The following SP2 variants were observed in gnomAD, a reference collection of about 807,000 sequenced individuals.
SP2 encodes the protein transcription factor Sp2.
A neutral mutation model predicts 50.1 loss-of-function variants in SP2; 9 were observed. The ratio of observed to expected loss-of-function variants is 0.18; its 90% confidence interval spans 0.11 to 0.31. SP2 has a LOEUF of 0.31. Ranked by LOEUF, SP2 falls within the 10% of genes least tolerant of loss-of-function variation. The pLI, the probability that SP2 is intolerant of heterozygous loss-of-function variation, is 1.00. For missense variants in SP2, 581 were observed against 806.5 expected, an observed-to-expected ratio of 0.72 and a Z score of 3.39; for synonymous variants, 313 against 326.6, an observed-to-expected ratio of 0.96 and a Z score of 0.45.
At chr17:47,897,434 T>C (rs2034385885) in intron 1 of SP2, 2 of 152,254 alleles carry the variant, frequency 1.3e-5, no homozygotes, top group South Asian at 2.1e-4. Flanking sequence ...TGTTCACTTA[T>C]TGTTTCCTAG....
Position 47,916,240 on chromosome 17 carries a change from C to T in SP2, c.169C>T (p.Pro57Ser). 1 of 1,614,130 alleles carries T rather than the reference C, an allele frequency of 6.2e-7. No individual in the cohort carries two copies. The highest frequency in any genetic ancestry group is 8.5e-7 in the Non-Finnish European group (1 of 1,180,026). ...AGCAGTTGAAGCTGCTGTGACACCT[C>T]CTGCTCCCCCACAGCCCACACCGCG... ...PPAVEAAVTP[P>S]APPQPTPRKL... The change falls in exon 3 of 7, where the codon CCT (proline) becomes TCT (serine). Residue 57 changes from proline (P) to serine (S), a missense_variant. Physicochemically the swap from Pro to Ser is moderately conservative, Grantham distance 74 (BLOSUM62 -1). This residue lies in a region of SP2 where 397 missense variants were observed against 491.0 expected (regional missense o/e 0.81). Coordinates refer to ENST00000376741, the MANE Select transcript of SP2 (RefSeq NM_003110.6). The surrounding 1 kb of genome is among the most constrained non-coding windows in gnomAD (Gnocchi z 4.7).
Position 47,897,834 on chromosome 17 carries a change from A to G in SP2, c.7+1541A>G, listed in dbSNP as rs2034399690. ...ATGAAGGGGGCGAATCTATCAGACAACCTATCAATTGGGCTGATGATGTCA... is the reference window on the plus strand; with the variant it reads ...ATGAAGGGGGCGAATCTATCAGACAGCCTATCAATTGGGCTGATGATGTCA... On this transcript the variant is annotated intron_variant, in intron 1 of 6. Transcript: ENST00000376741. 4.1e-6 allele frequency: 4 copies of G among 984,840 alleles called. No individual in the cohort carries two copies. In the South Asian group the frequency reaches 1.4e-4, roughly 35 times the overall value. 61.0% of individuals were successfully genotyped at this position (984,840 alleles called of 1,614,324 possible).
intron 1 of SP2, chr17:47,914,913 G>T (rs977278563): frequency 1.3e-5 from 2 of 155,262 alleles, no homozygotes; most frequent in Admixed American, 1.3e-4. Flanking sequence ...GCAACAAATA[G>T]AGGCAAAAAG....
At position 47,923,282 on chromosome 17, in the gene SP2, T is replaced by C. The variant is rs199538515; in HGVS notation, c.1372+8T>C. On this transcript the variant is annotated splice_region_variant and intron_variant, in intron 4 of 6. Transcript: ENST00000376741. ...CCATCACCAACACAGGCGGTGAGGATGGCCCCTGTGGCCAGGGTGTTGGCA... is the reference window on the plus strand; with the variant it reads ...CCATCACCAACACAGGCGGTGAGGACGGCCCCTGTGGCCAGGGTGTTGGCA... 1.0e-4 allele frequency: 164 copies of C among 1,592,430 alleles called. No individual in the cohort carries two copies. The highest frequency in any genetic ancestry group is 9.9e-4 in the Middle Eastern group (6 of 6,040).
intron 6 of SP2, among the ~76,000 whole-genome samples, chr17:47,927,104 AAAG>A (rs1321558469): frequency 3.3e-5 from 5 of 152,224 alleles, no homozygotes; most frequent in African/African-American, 1.2e-4. Context: ...CAGAGGGACA[AAAG>A]AAGAAAGCAG....
chr17:47,898,610 C>T (rs1185846461), intron 1 of SP2: 1 of 152,140 alleles, frequency 6.6e-6, no homozygotes, highest in Non-Finnish European at 1.5e-5. Context: ...TTTTCACACA[C>T]ACCCCCCTTT....
At chr17:47,902,845 T>C (rs1567688030) in intron 1 of SP2, among the ~76,000 whole-genome samples, 1 of 152,198 alleles carries the variant, frequency 6.6e-6, no homozygotes, top group Non-Finnish European at 1.5e-5. Context: ...AACCTCCACC[T>C]CCCGGGTTCA....
intron 3 of SP2, chr17:47,918,655 A>G (rs1424234001): frequency 6.6e-6 from 1 of 152,216 alleles, no homozygotes; most frequent in African/African-American, 2.4e-5. Flanking sequence ...ACATCCCAAC[A>G]TGCTGATTAT....
At chr17:47,906,947 T>G (rs1468465128) in intron 1 of SP2, among the ~76,000 whole-genome samples, 1 of 152,044 alleles carries the variant, frequency 6.6e-6, no homozygotes, top group Non-Finnish European at 1.5e-5. Flanking sequence ...AAAGGACAGA[T>G]GTTGGGGAAC....
chr17:47,925,647 C>T, intron 6 of SP2, 106 bp downstream of exon 6: 1 of 837,404 alleles, frequency 1.2e-6, no homozygotes, highest in African/African-American at 1.7e-5. Context: ...CCTGGAACTG[C>T]CACACTGAGC....
chr17:47,909,360 C>T (rs1049460743), intron 1 of SP2, among the ~76,000 whole-genome samples: 2 of 152,184 alleles, frequency 1.3e-5, no homozygotes, highest in Admixed American at 6.5e-5. Flanking sequence ...CCACATGGCA[C>T]TATTAGGCTC....
At chr17:47,917,330 A>T (rs2035253412) in intron 3 of SP2, among the ~76,000 whole-genome samples, 200 bp downstream of exon 3, 1 of 152,186 alleles carries the variant, frequency 6.6e-6, no homozygotes, top group Non-Finnish European at 1.5e-5. Context: ...TATCTTTAGA[A>T]ATTGATGAAA....
Position 47,896,273 on chromosome 17 carries a change from A to T in SP2, c.-14A>T. 1.6e-6 allele frequency: 2 copies of T among 1,239,444 alleles called. No homozygotes were observed. The highest frequency in any genetic ancestry group is 2.0e-6 in the Non-Finnish European group (2 of 988,504). The allele number at this position is 1,239,444 out of a possible 1,614,324, so 76.8% of individuals were successfully genotyped here. A position where few individuals can be genotyped will look rare whatever the true frequency, so the allele number is the denominator to read the frequency against. ...GCGGCGGAGGCGGCGGAGGCCAGGGAGGAAGATGTCGTAATGAGCGGTGGG... is the reference window on the plus strand; with the variant it reads ...GCGGCGGAGGCGGCGGAGGCCAGGGTGGAAGATGTCGTAATGAGCGGTGGG... On this transcript the variant is annotated 5_prime_UTR_variant, in exon 1 of 7. Transcript: ENST00000376741.
chr17:47,925,121 A>G (rs1375919581), intron 5 of SP2, 28 bp downstream of exon 5: 2 of 1,577,490 alleles, frequency 1.3e-6, no homozygotes, highest in Non-Finnish European at 1.7e-6. Context: ...CCCAAGCCAC[A>G]AGGCTGGCCT....
At chr17:47,931,055 T>A (rs2046084321), downstream of SP2, among the ~76,000 whole-genome samples, 1 of 152,136 alleles carries the variant, frequency 6.6e-6, no homozygotes, top group African/African-American at 2.4e-5. Context: ...TACAATCATC[T>A]TTCTGGCCGG....
At chr17:47,907,111 G>C (rs1426870011) in intron 1 of SP2, among the ~76,000 whole-genome samples, 1 of 152,074 alleles carries the variant, frequency 6.6e-6, no homozygotes, top group Non-Finnish European at 1.5e-5. Context: ...ACCTGGGCAG[G>C]TGCAGCATGA....
intron 1 of SP2, among the ~76,000 whole-genome samples, chr17:47,901,539 T>C (rs1171694604): frequency 6.6e-6 from 1 of 152,290 alleles, no homozygotes; most frequent in African/African-American, 2.4e-5. Flanking sequence ...GCTCTGCCAA[T>C]GCATGTCAAT....
At chr17:47,904,647 C>T (rs115221280) in intron 1 of SP2, among the ~76,000 whole-genome samples, 382 of 152,242 alleles carry the variant, frequency 2.5e-3, no homozygotes, top group African/African-American at 5.5e-3. Flanking sequence ...TTGCTTACTT[C>T]GGCCTGTGGC....
intron 4 of SP2, among the ~76,000 whole-genome samples, chr17:47,923,540 G>A (rs1159341605): frequency 2.0e-5 from 3 of 152,218 alleles, no homozygotes; most frequent in Non-Finnish European, 4.4e-5. Flanking sequence ...ACGCAAAGAC[G>A]GCTTCTTGAA....
Sources: allele counts gnomAD v4.1 joint callset (sites outside exome capture counted in the v4.1 genomes callset), GRCh38; gene constraint gnomAD v4.1.1; regional missense constraint gnomAD v4.1.1; non-coding constraint Gnocchi (gnomAD v3.1); transcripts MANE v1.5; gene names NCBI Gene and HGNC (gene_info 2026-07-23, HGNC 2026-07-21).